The following TMEM165 variants were observed in gnomAD, a reference collection of about 807,000 sequenced individuals.
The protein encoded by TMEM165 is putative divalent cation/proton antiporter TMEM165.
Under a neutral mutation model 30.0 loss-of-function variants are expected in TMEM165, and 19 were observed. That is an observed-to-expected ratio of 0.63 (90% CI 0.44 to 0.93). TMEM165 has a LOEUF of 0.93. TMEM165 is among the 40% of genes least tolerant of loss of function. The pLI is 0.00. For missense variants in TMEM165, 340 were observed against 417.0 expected (o/e 0.82, Z 1.61); for synonymous variants, 168 against 162.9 (o/e 1.03, Z -0.24).
intron 1 of TMEM165, among the ~76,000 whole-genome samples, chr4:55,402,433 ATTTTTTTTTTTTTTTT>A (rs1170738654): frequency 6.5e-5 from 2 of 30,778 alleles, no homozygotes; most frequent in African/African-American, 1.6e-4. Context: ...ATATATATAT[ATTTTTTTTTTTTTTTT>A]TTTTTTTTTT....
intron 3 of TMEM165, among the ~76,000 whole-genome samples, chr4:55,442,088 T>C (rs1017477483): frequency 3.9e-5 from 6 of 152,170 alleles, no homozygotes; most frequent in Admixed American, 3.9e-4. Flanking sequence ...CCCTAACCAC[T>C]GTTACTACAT....
chr4:55,424,708 C>CT, intron 5 of TMEM165, 65 bp downstream of exon 5: 1 of 1,084,250 alleles, frequency 9.2e-7, no homozygotes, highest in Non-Finnish European at 1.4e-6. Flanking sequence ...AGGGTGTTAG[C>CT]TTTGATTATT....
chr4:55,447,523 A>G (rs4864990), intron 3 of TMEM165, among the ~76,000 whole-genome samples: 51,379 of 152,024 alleles, frequency 0.34, 9,394 homozygotes, highest in East Asian at 0.58. Context: ...AGAAGGTAGG[A>G]TAACAGGAAG....
chr4:55,438,890 CAT>C (rs950692086), intron 3 of TMEM165, among the ~76,000 whole-genome samples: 2 of 152,088 alleles, frequency 1.3e-5, no homozygotes, highest in African/African-American at 4.8e-5. Flanking sequence ...TAGAAGAAAA[CAT>C]AGGGGAAAAG....
intron 3 of TMEM165, chr4:55,435,606 A>G (rs767368482): frequency 6.2e-7 from 1 of 1,613,474 alleles, no homozygotes; most frequent in African/African-American, 1.3e-5. Context: ...TAAAAAACAA[A>G]TGGATTATGC....
In TMEM165 at chr4:55,410,491, C is replaced by T. The variant is rs371633596; in HGVS notation, c.208-1123C>T. ...GGGCGCAGTCTCAGCTCACTGCAAC[C>T]TCCGCCTCCCAGGTTGAAGCAATTC... On this transcript the variant is annotated intron_variant, in intron 1 of 5. Coordinates refer to ENST00000381334, the MANE Select transcript of TMEM165 (RefSeq NM_018475.5). 2.7e-4 allele frequency among the ~76,000 whole-genome samples: 41 copies of T among 152,280 alleles called. No homozygotes were observed. In the South Asian group the frequency reaches 6.4e-3, roughly 24 times the overall value.
intron 3 of TMEM165, among the ~76,000 whole-genome samples, chr4:55,445,081 A>T (rs17721497): frequency 0.23 from 32,845 of 143,350 alleles, 5,552 homozygotes; most frequent in South Asian, 0.39. Context: ...TCTTGCTCTT[A>T]TGTCAGGGTG....
chr4:55,402,737 A>G (rs1400628096), intron 1 of TMEM165, among the ~76,000 whole-genome samples: 96 of 144,014 alleles, frequency 6.7e-4, no homozygotes, highest in Non-Finnish European at 2.1e-4. Context: ...ATGAGCCACC[A>G]TGCCCGGCCT....
chr4:55,427,374 A>ACTCT (rs1335441324), downstream of TMEM165, among the ~76,000 whole-genome samples: 1 of 142,282 alleles, frequency 7.0e-6, no homozygotes, highest in African/African-American at 2.7e-5. Flanking sequence ...AATCTATCTC[A>ACTCT]CTCTGTCACC....
At chr4:55,398,614 G>A (rs577429050) in intron 1 of TMEM165, among the ~76,000 whole-genome samples, 5 of 152,250 alleles carry the variant, frequency 3.3e-5, no homozygotes, top group African/African-American at 1.2e-4. Flanking sequence ...TATTGTGTAT[G>A]TTGTGGCATG....
intron 1 of TMEM165, among the ~76,000 whole-genome samples, chr4:55,404,338 A>C (rs1418404760): frequency 6.6e-6 from 1 of 151,064 alleles, no homozygotes; most frequent in African/African-American, 2.4e-5. Flanking sequence ...CAGTTTTATA[A>C]ACCAAACTTC....
intron 4 of TMEM165, chr4:55,424,060 T>C (rs1722098420): frequency 6.4e-6 from 1 of 155,292 alleles, no homozygotes; most frequent in Non-Finnish European, 1.4e-5. Context: ...GTAACATGTG[T>C]TCACTGGATA....
chr4:55,445,768 T>C (rs1320285684), intron 3 of TMEM165, among the ~76,000 whole-genome samples: 1 of 151,110 alleles, frequency 6.6e-6, no homozygotes, highest in Non-Finnish European at 1.5e-5. Flanking sequence ...CATAAAAATG[T>C]ATTTTCTTGT....
chr4:55,452,919 T>C (rs1406126340), exon 4 of TMEM165: 2 of 652,980 alleles, frequency 3.1e-6, no homozygotes, highest in Non-Finnish European at 5.2e-6. Flanking sequence ...AAATAAGTAG[T>C]AAAGTATAAT....
chr4:55,450,978 G>A (rs981384614), intron 3 of TMEM165, among the ~76,000 whole-genome samples: 1 of 151,080 alleles, frequency 6.6e-6, no homozygotes, highest in African/African-American at 2.4e-5. Flanking sequence ...CTTCACCAAT[G>A]TTTCTTTCTC....
intron 3 of TMEM165, chr4:55,434,701 A>T (rs1023516940): frequency 6.5e-6 from 1 of 153,158 alleles, no homozygotes; most frequent in Non-Finnish European, 1.5e-5. Context: ...TGAACAGAAC[A>T]CTACTGTGTT....
At chr4:55,414,269 C>CAA (rs1227098345) in intron 2 of TMEM165, among the ~76,000 whole-genome samples, 4 of 92,416 alleles carry the variant, frequency 4.3e-5, no homozygotes, top group Admixed American at 1.2e-4. Context: ...GACTCCGTCT[C>CAA]AAAAAAAAAA....
chr4:55,423,184 C>T (rs1400861523), intron 4 of TMEM165: 2 of 152,304 alleles, frequency 1.3e-5, no homozygotes, highest in African/African-American at 4.8e-5. Flanking sequence ...ATCCTTCTGC[C>T]TTAGCCTCCT....
intron 4 of TMEM165, chr4:55,424,052 AACATGT>A (rs1722097924): frequency 6.5e-6 from 1 of 154,900 alleles, no homozygotes; most frequent in Non-Finnish European, 1.4e-5. Context: ...TTGCTCAGGT[AACATGT>A]GTTCACTGGA....
Sources: gnomAD v4.1 joint callset for allele counts (sites outside exome capture counted in the v4.1 genomes callset) on GRCh38, gnomAD v4.1.1 for gene constraint, MANE v1.5 for transcripts, NCBI Gene and HGNC (gene_info 2026-07-23, HGNC 2026-07-21) for gene names.